The following FSTL5 variants were observed in gnomAD, a reference collection of about 807,000 sequenced individuals.
FSTL5 encodes the protein follistatin like 5.
A neutral mutation model predicts 89.1 loss-of-function variants in FSTL5; 62 were observed. The ratio of observed to expected loss-of-function variants is 0.70; its 90% CI spans 0.57 to 0.86. The LOEUF is 0.86. Ranked by LOEUF, FSTL5 falls within the 40% of genes least tolerant of loss-of-function variation. The pLI, the probability that FSTL5 is intolerant of heterozygous loss-of-function variation, is 0.00. For synonymous variants in FSTL5, 383 were observed against 346.2 expected (o/e 1.11, Z -1.18); for missense variants, 1,057 against 1,001.6 (o/e 1.06, Z -0.75).
At chr4:161,954,863 T>C (rs13127909) in intron 3 of FSTL5, among the ~76,000 whole-genome samples, 19,133 of 151,552 alleles carry the variant, frequency 0.13, 1,565 homozygotes, top group Non-Finnish European at 0.19. Flanking sequence ...TAAATTCAGA[T>C]AATGTGAAAA....
intron 2 of FSTL5, among the ~76,000 whole-genome samples, chr4:162,086,152 C>A (rs971300): frequency 0.59 from 90,099 of 151,716 alleles, 26,928 homozygotes; most frequent in Middle Eastern, 0.71. Flanking sequence ...AGAATGCATT[C>A]TTGAAGTATC....
rs1739416343 is a variant in FSTL5 at position 161,726,364 on chromosome 4, C to G, written c.727+33047G>C. On this transcript the variant is annotated intron_variant, in intron 6 of 15. Transcript: ENST00000306100. ...GTGTCAGCCTCCCGAGTAGCTGGGA[C>G]TACTGGAGCATGCCACCACGCCCGG... is the stretch of plus-strand genomic sequence containing the variant. Among the ~76,000 whole-genome samples, 6 of 150,094 alleles carry G rather than the reference C, an allele frequency of 4.0e-5. No individual in the cohort carries two copies. In the South Asian group the frequency reaches 8.6e-4, roughly 21 times the overall value.
rs1431994101 is a variant in FSTL5 at position 161,656,415 on chromosome 4, G to A, written c.807C>T (p.Ser269=). 6.2e-7 allele frequency: 1 copy of A among 1,611,200 alleles called. No individual in the cohort carries two copies. Among genetic ancestry groups the A allele is most frequent in the South Asian group, 1.1e-5 (1 of 90,818 alleles). Residue 269 remains serine (S), a synonymous_variant, in exon 7 of 16, where the codon AGC becomes AGT. Coordinates refer to ENST00000306100, the MANE Select transcript of FSTL5 (RefSeq NM_020116.5). The part of the protein sequence containing the change: ...AATVGQSAVL[S]CAIQGTLRPP... ...GTCTCAGGGTTCCTTGAATGGCACA[G>A]CTCAGAACAGCACTTTGTCCCACAG... is the stretch of plus-strand genomic sequence containing the variant.
chr4:162,039,470 C>A, intron 2 of FSTL5, among the ~76,000 whole-genome samples: 1 of 151,828 alleles, frequency 6.6e-6, no homozygotes, highest in East Asian at 1.9e-4. Context: ...TTTCTTCTAT[C>A]TCATTGCAGC....
chr4:162,111,236 A>G, intron 2 of FSTL5, 35 bp downstream of exon 2: 11 of 1,493,008 alleles, frequency 7.4e-6, no homozygotes, highest in Non-Finnish European at 9.9e-6. Flanking sequence ...TATAATTGGC[A>G]GGCACTATGA....
chr4:162,047,587 T>C (rs1021189420), intron 2 of FSTL5: 2 of 152,200 alleles, frequency 1.3e-5, no homozygotes, highest in Non-Finnish European at 2.9e-5. Context: ...CCCAACACTT[T>C]GGGAGCCTGA....
intron 13 of FSTL5, among the ~76,000 whole-genome samples, chr4:161,466,570 G>T (rs952545876): frequency 1.3e-5 from 2 of 152,084 alleles, no homozygotes; most frequent in Non-Finnish European, 2.9e-5. Flanking sequence ...TACTCCCGGG[G>T]TGTTACAATA....
intron 6 of FSTL5, among the ~76,000 whole-genome samples, chr4:161,754,221 G>A (rs1376386643): frequency 6.6e-6 from 1 of 151,944 alleles, no homozygotes; most frequent in African/African-American, 2.4e-5. Context: ...GATGTTCACA[G>A]TTGATGTGTT....
At chr4:162,100,624 T>C (rs1475188261) in intron 2 of FSTL5, among the ~76,000 whole-genome samples, 1 of 152,142 alleles carries the variant, frequency 6.6e-6, no homozygotes, top group Non-Finnish European at 1.5e-5. Context: ...ACCCCTAGAA[T>C]ATACAACACA....
intron 6 of FSTL5, among the ~76,000 whole-genome samples, chr4:161,667,411 T>C (rs1469245149): frequency 6.6e-6 from 1 of 152,108 alleles, no homozygotes; most frequent in African/African-American, 2.4e-5. Context: ...TAATATTAAC[T>C]GTATGACTTT....
chr4:161,795,965 T>G (rs1414201868), intron 4 of FSTL5, among the ~76,000 whole-genome samples: 1 of 151,818 alleles, frequency 6.6e-6, no homozygotes, highest in East Asian at 1.9e-4. Context: ...AATCTTTGTG[T>G]TGTAAACCCT....
chr4:161,760,927 G>T (rs1218659344), intron 5 of FSTL5, among the ~76,000 whole-genome samples: 1 of 151,770 alleles, frequency 6.6e-6, no homozygotes, highest in Non-Finnish European at 1.5e-5. Flanking sequence ...AGATAACTCT[G>T]AAAATGGAGC....
rs531972826 is a variant in FSTL5, at chr4:162,102,807, TG to T, written c.126+8463del. Reference sequence around the variant, plus strand: ...TTATATATGGAGTGATCTGGACTCCTGGACAAGCTTGGCTTTAATATACTAT... The same window carrying T: ...TTATATATGGAGTGATCTGGACTCCTGACAAGCTTGGCTTTAATATACTAT... On this transcript the variant is annotated intron_variant, in intron 2 of 15. Coordinates refer to ENST00000306100, the MANE Select transcript of FSTL5 (RefSeq NM_020116.5). 3.8e-3 allele frequency among the ~76,000 whole-genome samples: 544 copies of T among 141,678 alleles called. 7 individuals carry two copies. Among genetic ancestry groups the T allele is most frequent in the African/African-American group, 0.013 (509 of 40,406 alleles). 92.9% of individuals were successfully genotyped at this position (141,678 alleles called of 152,430 possible).
At chr4:161,443,350 A>AT in intron 15 of FSTL5, among the ~76,000 whole-genome samples, 1 of 152,120 alleles carries the variant, frequency 6.6e-6, no homozygotes, top group Admixed American at 6.6e-5. Flanking sequence ...AGCATACTAA[A>AT]TTTTTTTAAA....
chr4:161,743,797 A>C, intron 6 of FSTL5, among the ~76,000 whole-genome samples: 1 of 152,222 alleles, frequency 6.6e-6, no homozygotes. Context: ...TTATAAAATT[A>C]TGTATTCACA....
intron 4 of FSTL5, among the ~76,000 whole-genome samples, chr4:161,863,312 T>C (rs151184605): frequency 1.3e-5 from 2 of 152,322 alleles, no homozygotes; most frequent in East Asian, 3.9e-4. Context: ...CAACTACTTT[T>C]TACTATATAC....
intron 7 of FSTL5, among the ~76,000 whole-genome samples, chr4:161,605,236 A>C (rs1371436328): frequency 1.3e-5 from 2 of 152,168 alleles, no homozygotes; most frequent in African/African-American, 4.8e-5. Context: ...TATTCACATG[A>C]CTGTATTGTT....
intron 15 of FSTL5, among the ~76,000 whole-genome samples, chr4:161,449,835 C>G (rs62326375): frequency 0.081 from 12,258 of 152,072 alleles, 662 homozygotes; most frequent in Non-Finnish European, 0.12. Flanking sequence ...ACCAAATAAC[C>G]CAAATGTTAG....
chr4:161,735,402 T>G (rs1364064112), intron 6 of FSTL5, among the ~76,000 whole-genome samples: 4 of 152,280 alleles, frequency 2.6e-5, no homozygotes, highest in Middle Eastern at 3.4e-3. Flanking sequence ...CATTGACCAT[T>G]GGTGATCAAC....
Sources: allele counts gnomAD v4.1 joint callset (sites outside exome capture counted in the v4.1 genomes callset), GRCh38; gene constraint gnomAD v4.1.1; transcripts MANE v1.5; gene names NCBI Gene and HGNC (gene_info 2026-07-23, HGNC 2026-07-21).